CLHC1: variants seen among roughly 807,000 people sequenced by gnomAD.
The protein encoded by CLHC1 is clathrin heavy chain linker domain containing 1.
In CLHC1, 72 loss-of-function variants were observed where a neutral mutation model predicts 69.5. That is an observed-to-expected ratio of 1.04 (90% CI 0.86 to 1.26). The LOEUF (loss-of-function observed/expected upper bound fraction) is 1.26, where lower values mean the gene tolerates loss of function less well. Ranked by LOEUF, CLHC1 falls within the 50% of genes most tolerant of loss-of-function variation. CLHC1 has a pLI of 0.00. For missense variants in CLHC1, 790 were observed against 679.3 expected (o/e 1.16, Z -1.81); for synonymous variants, 223 against 224.3 (o/e 0.99, Z 0.05).
intron 4 of CLHC1, among the ~76,000 whole-genome samples, chr2:55,213,110 TAATTA>T (rs1303742828): frequency 6.6e-6 from 1 of 152,374 alleles, no homozygotes; most frequent in Admixed American, 6.5e-5. Flanking sequence ...TTTTGGTAAG[TAATTA>T]TATTAGTTTC....
intron 2 of CLHC1, among the ~76,000 whole-genome samples, chr2:55,222,918 CAAAAA>C (rs59113625): frequency 2.9e-5 from 2 of 68,566 alleles, no homozygotes; most frequent in African/African-American, 5.6e-5. Context: ...GAAACTGTCT[CAAAAA>C]AAAAAAAAAA....
In CLHC1 at chr2:55,209,724, G is replaced by C; in HGVS notation, c.607C>G (p.Pro203Ala). The change falls in exon 6 of 13, where the codon CCA (proline) becomes GCA (alanine). Residue 203 changes from proline (P) to alanine (A), a missense_variant. Physicochemically the swap from Pro to Ala is conservative, Grantham distance 27. Transcript: ENST00000401408. ...TCTAAATCAGCCTTCCTCTGAGCTG[G>C]CACATATTTTATCAACATAGCTTGT... ...IKQAMLIKYVPAQRKADLDEE... is the reference protein window; with the variant it reads ...IKQAMLIKYVAAQRKADLDEE... 6.2e-7 allele frequency: 1 copy of C among 1,613,270 alleles called. No individual in the cohort carries two copies. The highest frequency in any genetic ancestry group is 1.1e-5 in the South Asian group (1 of 91,060).
intron 9 of CLHC1, 45 bp downstream of exon 9, chr2:55,206,225 T>G: frequency 9.1e-7 from 1 of 1,102,776 alleles, no homozygotes; most frequent in Non-Finnish European, 1.4e-6. Flanking sequence ...AGAGAAAAAG[T>G]AGTAAATTTT....
At chr2:55,216,629 G>A (rs1286483145) in intron 4 of CLHC1, among the ~76,000 whole-genome samples, 4 of 151,680 alleles carry the variant, frequency 2.6e-5, no homozygotes, top group Admixed American at 6.6e-5. Context: ...CATCTCTCAA[G>A]CTCAACCAAT....
At chr2:55,204,748 T>G (rs1446953894) in intron 9 of CLHC1, among the ~76,000 whole-genome samples, 2 of 152,026 alleles carry the variant, frequency 1.3e-5, no homozygotes, top group Admixed American at 1.3e-4. Flanking sequence ...TACTATTCAG[T>G]CATAAAAAAG....
chr2:55,181,846 TAACAATCTAAAATTACAC>T (rs1477684271), intron 9 of CLHC1, 102 bp from the exon 10 acceptor site: 4 of 848,708 alleles, frequency 4.7e-6, no homozygotes, highest in Non-Finnish European at 7.4e-6. Flanking sequence ...TCTAAAACTT[TAACAATCTAAAATTACAC>T]ATTTATAATT....
At chr2:55,203,427 T>C (rs1183919757) in intron 9 of CLHC1, among the ~76,000 whole-genome samples, 1 of 152,144 alleles carries the variant, frequency 6.6e-6, no homozygotes, top group Non-Finnish European at 1.5e-5. Context: ...AGAGCTATAG[T>C]AACCAAAACA....
At chr2:55,212,427 C>T (rs1230765092) in intron 5 of CLHC1, among the ~76,000 whole-genome samples, 1 of 152,154 alleles carries the variant, frequency 6.6e-6, no homozygotes, top group Non-Finnish European at 1.5e-5. Context: ...GATGTTGATA[C>T]AGGAAACCAT....
intron 2 of CLHC1, chr2:55,224,687 A>G: frequency 4.1e-6 from 1 of 244,314 alleles, no homozygotes; most frequent in Non-Finnish European, 8.7e-6. Context: ...GAAGCTGAGA[A>G]AGGAAGACTG....
intron 9 of CLHC1, among the ~76,000 whole-genome samples, chr2:55,202,381 C>T (rs1672031961): frequency 6.6e-6 from 1 of 151,328 alleles, no homozygotes. Context: ...CATGGAGAAA[C>T]CCTGTCCCTA....
intron 3 of CLHC1, among the ~76,000 whole-genome samples, chr2:55,219,664 A>G (rs959409202): frequency 5.3e-5 from 8 of 152,034 alleles, no homozygotes; most frequent in Non-Finnish European, 8.8e-5. Context: ...ACTCTTTTAT[A>G]TTACCTTGGT....
rs1389317002 is a variant in CLHC1 at position 55,194,830 on chromosome 2, C to A, written c.1006+11440G>T. ...ATAGTGAAACGATTAATATGTCAAG[C>A]TAAATTAACATATCCATTACCTCTG... On this transcript the variant is annotated intron_variant, in intron 9 of 12. Coordinates refer to ENST00000401408, the MANE Select transcript of CLHC1 (RefSeq NM_152385.4). 2.0e-5 allele frequency among the ~76,000 whole-genome samples: 3 copies of A among 152,060 alleles called. No homozygotes were observed. The East Asian group carries it at 5.8e-4, about 29-fold the overall frequency.
chr2:55,186,678 G>C (rs1211456283), intron 9 of CLHC1, among the ~76,000 whole-genome samples: 3 of 152,022 alleles, frequency 2.0e-5, no homozygotes, highest in Non-Finnish European at 1.5e-5. Context: ...GGGAGGCTGA[G>C]GTGGGAGGAT....
At chr2:55,216,300 AAAAAG>A (rs1282338639) in intron 4 of CLHC1, among the ~76,000 whole-genome samples, 2 of 151,778 alleles carry the variant, frequency 1.3e-5, no homozygotes, top group Non-Finnish European at 2.9e-5. Context: ...TCAAAAAAAA[AAAAAG>A]AAAATTATCT....
intron 4 of CLHC1, chr2:55,216,210 C>A (rs189965100): frequency 4.6e-5 from 7 of 150,680 alleles, no homozygotes; most frequent in Non-Finnish European, 7.4e-5. Context: ...TCGGTTGAAT[C>A]TGGGAGACGG....
intron 1 of CLHC1, among the ~76,000 whole-genome samples, chr2:55,229,921 A>G (rs1487376050): frequency 6.6e-6 from 1 of 152,160 alleles, no homozygotes; most frequent in Non-Finnish European, 1.5e-5. Context: ...TAAAAATACA[A>G]AATTAGCTGG....
Position 55,181,842 on chromosome 2 carries a change from A to G in CLHC1, c.1007-98T>C, listed in dbSNP as rs1669970016. ...ATTTTTGTGCCTTTGCTTTTCTAAA[A>G]CTTTAACAATCTAAAATTACACATT... On this transcript the variant is annotated intron_variant, in intron 9 of 12. Transcript: ENST00000401408. 11 of 875,018 alleles carry G rather than the reference A, an allele frequency of 1.3e-5. No homozygotes were observed. In the Admixed American group the frequency reaches 1.9e-4, roughly 15 times the overall value. The allele number at this position is 875,018 out of a possible 1,614,324, so 54.2% of individuals were successfully genotyped here.
intron 5 of CLHC1, 62 bp downstream of exon 5, chr2:55,212,611 C>G: frequency 7.7e-7 from 1 of 1,290,456 alleles, no homozygotes; most frequent in Non-Finnish European, 1.1e-6. Context: ...TTAATGCATG[C>G]CTTAGGTAAA....
At chr2:55,212,207 A>G (rs1376686286) in intron 5 of CLHC1, among the ~76,000 whole-genome samples, 1 of 151,962 alleles carries the variant, frequency 6.6e-6, no homozygotes, top group Non-Finnish European at 1.5e-5. Flanking sequence ...AACCCTGGAG[A>G]GGGAGGTTGC....
Sources: allele counts gnomAD v4.1 joint callset (sites outside exome capture counted in the v4.1 genomes callset), GRCh38; gene constraint gnomAD v4.1.1; transcripts MANE v1.5; gene names NCBI Gene and HGNC (gene_info 2026-07-23, HGNC 2026-07-21).